The following EPHB2 variants were observed in gnomAD, a reference collection of about 807,000 sequenced individuals.
EPHB2 encodes ephrin type-B receptor 2.
In EPHB2, 18 loss-of-function variants were observed where a neutral mutation model predicts 96.4. The ratio of observed to expected loss-of-function variants is 0.19; its 90% CI spans 0.13 to 0.28. The LOEUF (loss-of-function observed/expected upper bound fraction) is 0.28. Ranked by LOEUF, EPHB2 falls within the 10% of genes least tolerant of loss-of-function variation. The pLI is 1.00. For synonymous variants in EPHB2, 506 were observed against 534.1 expected (o/e 0.95, Z 0.72); for missense variants, 989 against 1,355.4 (o/e 0.73, Z 4.25).
intron 1 of EPHB2, among the ~76,000 whole-genome samples, chr1:22,748,410 CTT>C (rs1210932824): frequency 6.7e-5 from 10 of 148,238 alleles, no homozygotes; most frequent in Admixed American, 6.8e-5. Context: ...GAGATGGAGT[CTT>C]GCTCTGTCGC....
intron 6 of EPHB2, among the ~76,000 whole-genome samples, chr1:22,888,975 T>C (rs751866620): frequency 6.6e-6 from 1 of 152,092 alleles, no homozygotes. Flanking sequence ...GGTAACATGA[T>C]GAAACCCTGT....
chr1:22,803,646 T>C (rs1193154664), intron 3 of EPHB2, among the ~76,000 whole-genome samples: 3 of 3,878 alleles, frequency 7.7e-4, no homozygotes, highest in African/African-American at 3.2e-3. Flanking sequence ...TATATATGTG[T>C]ATATATATAT....
intron 6 of EPHB2, among the ~76,000 whole-genome samples, chr1:22,890,836 T>C (rs1009941292): frequency 1.3e-5 from 2 of 152,226 alleles, no homozygotes; most frequent in Admixed American, 6.5e-5. Flanking sequence ...CCTGCCACCA[T>C]GTGAAGAAGT....
At chr1:22,794,082 A>G (rs533027083) in intron 3 of EPHB2, among the ~76,000 whole-genome samples, 1 of 152,298 alleles carries the variant, frequency 6.6e-6, no homozygotes, top group South Asian at 2.1e-4. Flanking sequence ...CAGTTTGCTT[A>G]CCTGGGAAAT....
chr1:22,713,897 G>A (rs888312780), intron 1 of EPHB2, among the ~76,000 whole-genome samples: 13 of 152,118 alleles, frequency 8.5e-5, no homozygotes, highest in African/African-American at 2.4e-4. Context: ...CTGTGAGACC[G>A]CCCCCCGACC....
At chr1:22,822,227 A>G (rs1414430236) in intron 3 of EPHB2, among the ~76,000 whole-genome samples, 1 of 152,184 alleles carries the variant, frequency 6.6e-6, no homozygotes, top group Non-Finnish European at 1.5e-5. Context: ...TTATACCTGT[A>G]ATCCCAACAC....
In EPHB2 at chr1:22,749,269, C is replaced by A. The variant is rs111411165; in HGVS notation, c.62-32152C>A. Reference sequence around the variant, plus strand: ...CTCCTGACCTCAAGCGATCTGCCCACCTTGGCTTCCCAAAGTACTGGGATT... The same window carrying A: ...CTCCTGACCTCAAGCGATCTGCCCAACTTGGCTTCCCAAAGTACTGGGATT... On this transcript the variant is annotated intron_variant, in intron 1 of 15. Transcript: ENST00000374630. Among the ~76,000 whole-genome samples the A allele has an allele frequency of 2.6e-5, 4 of 152,320 alleles. 1 individual carries two copies. Among genetic ancestry groups the A allele is most frequent in the African/African-American group, 9.6e-5 (4 of 41,580 alleles).
chr1:22,755,762 A>C (rs975596131), intron 1 of EPHB2, among the ~76,000 whole-genome samples: 1 of 152,220 alleles, frequency 6.6e-6, no homozygotes, highest in Admixed American at 6.5e-5. Context: ...AAATTACTAC[A>C]TGTAAATGCT....
intron 3 of EPHB2, among the ~76,000 whole-genome samples, chr1:22,833,227 C>G (rs913959118): frequency 7.9e-5 from 12 of 152,088 alleles, no homozygotes; most frequent in African/African-American, 2.7e-4. Flanking sequence ...CAGCGATTCT[C>G]CTGCCTTCAG....
At chr1:22,887,709 T>C (rs1639270191) in intron 6 of EPHB2, among the ~76,000 whole-genome samples, 1 of 152,168 alleles carries the variant, frequency 6.6e-6, no homozygotes, top group Non-Finnish European at 1.5e-5. Flanking sequence ...GCACACAGGT[T>C]CAGGATCCCA....
Position 22,892,979 on chromosome 1 carries a change from G to A in EPHB2, c.1524G>A (p.Val508=), listed in dbSNP as rs2148566570. Residue 508 remains valine, a synonymous_variant, in exon 7 of 16, where the codon GTG becomes GTA. Transcript: ENST00000374630. Reference sequence around the variant, plus strand: ...CCGGCGCCATCTATGTCTTCCAGGTGCGGGCACGCACCGTGGCAGGTTACG... The same window carrying A: ...CCGGCGCCATCTATGTCTTCCAGGTACGGGCACGCACCGTGGCAGGTTACG... ...LKAGAIYVFQ[V]RARTVAGYGR... is the part of the protein sequence containing the mutation. The A allele has an allele frequency of 1.2e-6, 2 of 1,614,212 alleles. No homozygotes were observed. The highest frequency in any genetic ancestry group is 1.7e-6 in the Non-Finnish European group (2 of 1,180,010).
At position 22,870,187 on chromosome 1, in the gene EPHB2, G is replaced by A. The variant is rs948721219; in HGVS notation, c.1303+4975G>A. Among the ~76,000 whole-genome samples, 4 of 152,158 alleles carry A rather than the reference G, an allele frequency of 2.6e-5. 1 individual carries two copies. In the South Asian group the frequency reaches 6.2e-4, roughly 24 times the overall value. On this transcript the variant is annotated intron_variant, in intron 5 of 15. Transcript: ENST00000374630. ...CTGGGCAAGTGACTGGGCCTTGCTC[G>A]CAATCCCTTGGCATTCACCGGGGCC... is the stretch of plus-strand genomic sequence containing the variant.
intron 1 of EPHB2, among the ~76,000 whole-genome samples, chr1:22,742,203 G>A (rs1416061044): frequency 1.3e-5 from 2 of 152,156 alleles, no homozygotes; most frequent in Non-Finnish European, 2.9e-5. Context: ...CAGGCTCGTG[G>A]TATGGACAAG....
At chr1:22,762,856 C>T (rs1644254156) in intron 1 of EPHB2, among the ~76,000 whole-genome samples, 1 of 152,166 alleles carries the variant, frequency 6.6e-6, no homozygotes. Context: ...GCTGCAGTGG[C>T]TCATCATAAG....
chr1:22,823,427 C>T (rs972136312), intron 3 of EPHB2, among the ~76,000 whole-genome samples: 4 of 152,110 alleles, frequency 2.6e-5, no homozygotes, highest in African/African-American at 7.2e-5. Flanking sequence ...TGTGGATGGC[C>T]TTTAAGGAGG....
chr1:22,878,541 C>A (rs1638921282), intron 5 of EPHB2, among the ~76,000 whole-genome samples: 1 of 152,186 alleles, frequency 6.6e-6, no homozygotes, highest in Non-Finnish European at 1.5e-5. Context: ...CTGAAGAATT[C>A]TTCACAATGT....
chr1:22,872,909 G>A (rs7554093), intron 5 of EPHB2, among the ~76,000 whole-genome samples: 106,866 of 152,156 alleles, frequency 0.7, 42,732 homozygotes, highest in Non-Finnish European at 0.91. Context: ...CTGAGACCAC[G>A]AGGTTCGAGA....
rs142712791 is a variant in EPHB2, at chr1:22,894,515, T to A, written c.1592-957T>A. ...GAGAGACTGAGACAGGAGAATCGCT[T>A]GAACCCGGGAAGCAGAGGTTGCAGT... On this transcript the variant is annotated intron_variant, in intron 7 of 15. Coordinates refer to ENST00000374630, the MANE Select transcript of EPHB2 (RefSeq NM_017449.5). 3.0e-3 allele frequency among the ~76,000 whole-genome samples: 454 copies of A among 151,272 alleles called. 3 individuals carry two copies. Among genetic ancestry groups the A allele is most frequent in the African/African-American group, 0.011 (441 of 41,136 alleles).
At chr1:22,857,199 G>C (rs1334475176) in intron 3 of EPHB2, among the ~76,000 whole-genome samples, 1 of 152,094 alleles carries the variant, frequency 6.6e-6, no homozygotes, top group Admixed American at 6.5e-5. Context: ...TTGGTACCTT[G>C]GCATTTGCTC....
Sources: gnomAD v4.1 joint callset for allele counts (sites outside exome capture counted in the v4.1 genomes callset) on GRCh38, gnomAD v4.1.1 for gene constraint, MANE v1.5 for transcripts, NCBI Gene and HGNC (gene_info 2026-07-23, HGNC 2026-07-21) for gene names.